The following BTBD1 variants were observed in gnomAD, a reference collection of about 807,000 sequenced individuals.
The protein encoded by BTBD1 is BTB/POZ domain-containing protein 1.
Under a neutral mutation model 48.0 loss-of-function variants are expected in BTBD1, and 34 were observed. That is an observed-to-expected ratio of 0.71 (90% CI 0.54 to 0.94). The LOEUF (loss-of-function observed/expected upper bound fraction) is 0.94, where lower values mean the gene tolerates loss of function less well. BTBD1 is among the 40% of genes least tolerant of loss of function. The probability of loss-of-function intolerance (pLI) is 0.00; values close to 1 mark genes in which losing one functional copy is unlikely to be tolerated. For synonymous variants in BTBD1, 261 were observed against 242.1 expected (o/e 1.08, Z -0.72); for missense variants, 543 against 625.6 (o/e 0.87, Z 1.41).
chr15:83,066,821 C>A lies in BTBD1; in HGVS notation c.331G>T (p.Gly111Cys). The A allele has an allele frequency of 1.4e-6, 2 of 1,443,666 alleles. No individual in the cohort carries two copies. The allele number at this position is 1,443,666 out of a possible 1,614,324, so 89.4% of individuals were successfully genotyped here. ...SAVFDAMFNG[G>C]MATTSAEIEL... The stretch of plus-strand genomic sequence containing the variant: ...ATCTCGGCCGACGTGGTGGCCATGC[C>A]GCCGTTGAACATGGCGTCAAAGACG... Residue 111 changes from glycine (G) to cysteine (C), a missense_variant, in exon 1 of 8, where the codon GGC (glycine) becomes TGC (cysteine). Around this residue, in one of 3 missense-constraint regions of BTBD1, gnomAD observed 70 missense variants for 111.7 expected, o/e 0.63. Transcript: ENST00000261721.
At chr15:83,023,380 ATTTTTATTT>A (rs1261165355) in intron 5 of BTBD1, among the ~76,000 whole-genome samples, 2 of 152,096 alleles carry the variant, frequency 1.3e-5, no homozygotes, top group Non-Finnish European at 1.5e-5. Context: ...TCTTTAAAAA[ATTTTTATTT>A]TTTTTATTTA....
Position 83,067,247 on chromosome 15 carries a change from A to AAAGGCGCTTCCGGGG in BTBD1, c.-97_-96insCCCCGGAAGCGCCTT. 8.1e-7 allele frequency: 1 copy of AAAGGCGCTTCCGGGG among 1,240,208 alleles called. No homozygotes were observed. Among genetic ancestry groups the AAAGGCGCTTCCGGGG allele is most frequent in the Non-Finnish European group, 1.0e-6 (1 of 970,760 alleles). 76.8% of individuals were successfully genotyped at this position (1,240,208 alleles called of 1,614,324 possible). ...CGGCGCTGCCTCCCTGCCTTCCGGG[A>AAAGGCGCTTCCGGGG]AAGGCGCTTCCGGGGGCCTCGCGCC... On this transcript the variant is annotated 5_prime_UTR_variant, in exon 1 of 8. Coordinates refer to ENST00000261721, the MANE Select transcript of BTBD1 (RefSeq NM_025238.4).
intron 3 of BTBD1, among the ~76,000 whole-genome samples, chr15:83,042,370 A>ATATATATG: frequency 8.1e-6 from 1 of 123,286 alleles, no homozygotes; most frequent in Admixed American, 8.1e-5. Flanking sequence ...ATATATATAT[A>ATATATATG]TATATATGTA....
chr15:83,037,120 GA>G (rs1312801459), intron 4 of BTBD1, among the ~76,000 whole-genome samples: 2 of 150,502 alleles, frequency 1.3e-5, no homozygotes, highest in Non-Finnish European at 3.0e-5. Flanking sequence ...GTATAAGTCA[GA>G]AAAAAAAATT....
At chr15:83,025,912 GGT>G (rs2083262411) in intron 5 of BTBD1, among the ~76,000 whole-genome samples, 1 of 152,062 alleles carries the variant, frequency 6.6e-6, no homozygotes, top group Non-Finnish European at 1.5e-5. Flanking sequence ...TGGGACTACA[GGT>G]GCCCACCACC....
At chr15:83,052,598 C>T (rs1330429393) in intron 2 of BTBD1, among the ~76,000 whole-genome samples, 1 of 150,890 alleles carries the variant, frequency 6.6e-6, no homozygotes, top group African/African-American at 2.4e-5. Flanking sequence ...TGAAGTAGTA[C>T]ATTTTTATAA....
chr15:83,039,262 C>G (rs935148174), intron 4 of BTBD1, among the ~76,000 whole-genome samples: 1 of 151,682 alleles, frequency 6.6e-6, no homozygotes, highest in Non-Finnish European at 1.5e-5. Context: ...AAGCAGCCAA[C>G]AAACATGAAA....
chr15:83,047,107 A>C (rs1476783541), intron 3 of BTBD1, among the ~76,000 whole-genome samples: 2 of 152,242 alleles, frequency 1.3e-5, no homozygotes, highest in Admixed American at 6.5e-5. Flanking sequence ...ACACGAGACA[A>C]AGTCCCTGCC....
chr15:83,052,893 G>A (rs184051142), intron 2 of BTBD1, among the ~76,000 whole-genome samples: 19 of 142,144 alleles, frequency 1.3e-4, no homozygotes, highest in African/African-American at 1.9e-4. Flanking sequence ...GCCCACCTTC[G>A]CCTTCCAAAG....
chr15:83,059,719 A>G (rs796311648), intron 1 of BTBD1, among the ~76,000 whole-genome samples: 1 of 152,030 alleles, frequency 6.6e-6, no homozygotes, highest in African/African-American at 2.4e-5. Context: ...AGTAACTAAC[A>G]CTACAGGCAC....
rs544695120 is a variant in BTBD1 at position 83,016,526 on chromosome 15, G to C, written c.*1541C>G. 6.6e-6 allele frequency: 1 copy of C among 151,518 alleles called. No individual in the cohort carries two copies. Among genetic ancestry groups the C allele is most frequent in the Non-Finnish European group, 1.5e-5 (1 of 67,872 alleles). 9.4% of individuals were successfully genotyped at this position (151,518 alleles called of 1,614,324 possible). On this transcript the variant is annotated 3_prime_UTR_variant, in exon 8 of 8. Coordinates refer to ENST00000261721, the MANE Select transcript of BTBD1 (RefSeq NM_025238.4). ...CTTGTCCCTTTTATGGCTGCATGCA[G>C]TTTCAATTGTTCAGTACAACAGATG... is the stretch of plus-strand genomic sequence containing the variant.
intron 3 of BTBD1, among the ~76,000 whole-genome samples, chr15:83,048,284 C>T (rs573682036): frequency 1.3e-4 from 20 of 152,150 alleles, no homozygotes; most frequent in Middle Eastern, 6.8e-3. Flanking sequence ...TCACAGACAG[C>T]GAGAGGAATC....
intron 1 of BTBD1, among the ~76,000 whole-genome samples, chr15:83,064,972 T>G (rs926397523): frequency 1.1e-4 from 17 of 152,210 alleles, no homozygotes; most frequent in Non-Finnish European, 2.1e-4. Flanking sequence ...TTGCTTAGCA[T>G]TTTGGTATGT....
intron 5 of BTBD1, among the ~76,000 whole-genome samples, chr15:83,026,563 C>T (rs1158792516): frequency 7.1e-6 from 1 of 141,078 alleles, no homozygotes; most frequent in Admixed American, 7.5e-5. Context: ...GCTCTTGTTG[C>T]CCAGGCTGGA....
intron 3 of BTBD1, chr15:83,044,874 A>C (rs747426779): frequency 1.1e-5 from 8 of 707,730 alleles, no homozygotes; most frequent in African/African-American, 8.8e-5. Context: ...GTGTTCAATT[A>C]TCTTTATCAC....
Position 83,055,904 on chromosome 15 carries a change from GCTT to G in BTBD1, c.558+482_558+484del, listed in dbSNP as rs1046855260. 2.6e-5 allele frequency among the ~76,000 whole-genome samples: 4 copies of G among 152,192 alleles called. 1 individual carries two copies. The highest frequency in any genetic ancestry group is 9.6e-5 in the African/African-American group (4 of 41,512). On this transcript the variant is annotated intron_variant, in intron 2 of 7. Coordinates refer to ENST00000261721, the MANE Select transcript of BTBD1 (RefSeq NM_025238.4). The stretch of plus-strand genomic sequence containing the variant: ...CCCCACTTATATGTATAAGGCTTTA[GCTT>G]CTTCACCTATATGATTCAGCACCGT...
intron 3 of BTBD1, among the ~76,000 whole-genome samples, chr15:83,046,489 AC>A (rs899922452): frequency 1.5e-4 from 23 of 152,182 alleles, no homozygotes; most frequent in African/African-American, 5.3e-4. Context: ...AAATCAAATG[AC>A]CAAATATTTA....
At chr15:83,042,061 T>C in intron 3 of BTBD1, 136 bp from the exon 4 acceptor site, 5 of 656,762 alleles carry the variant, frequency 7.6e-6, no homozygotes, top group Non-Finnish European at 1.3e-5. Flanking sequence ...ACAGACTTTA[T>C]ACTTTAAAAT....
chr15:83,058,585 G>A (rs1272709871), intron 1 of BTBD1, among the ~76,000 whole-genome samples: 1 of 151,672 alleles, frequency 6.6e-6, no homozygotes, highest in Admixed American at 6.6e-5. Flanking sequence ...CTCTAGCCCG[G>A]CCAACAAAGT....
Sources: gnomAD v4.1 joint callset for allele counts (sites outside exome capture counted in the v4.1 genomes callset) on GRCh38, gnomAD v4.1.1 for gene constraint, gnomAD v4.1.1 regional missense constraint, MANE v1.5 for transcripts, NCBI Gene and HGNC (gene_info 2026-07-23, HGNC 2026-07-21) for gene names.